Variants in NOL4 observed in about 807,000 individuals in gnomAD.
The protein encoded by NOL4 is nucleolar protein 4, also known as cancer/testis antigen 125.
In NOL4, 17 loss-of-function variants were observed where a neutral mutation model predicts 75.9. The observed-to-expected ratio is 0.22, with a 90% CI of 0.15 to 0.34. The LOEUF is 0.34. Ranked by LOEUF, NOL4 falls within the 10% of genes least tolerant of loss-of-function variation. The pLI, the probability that NOL4 is intolerant of heterozygous loss-of-function variation, is 1.00. For synonymous variants in NOL4, 292 were observed against 289.9 expected, an observed-to-expected ratio of 1.01 and a Z score of -0.07; for missense variants, 614 against 793.5, an observed-to-expected ratio of 0.77 and a Z score of 2.72.
chr18:33,922,068 G>A (rs2067074882), intron 9 of NOL4, among the ~76,000 whole-genome samples: 1 of 152,162 alleles, frequency 6.6e-6, no homozygotes, highest in African/African-American at 2.4e-5. Flanking sequence ...TTGCTACTAT[G>A]AGAGGATAAC....
intron 2 of NOL4, among the ~76,000 whole-genome samples, chr18:34,119,695 C>G (rs879568500): frequency 6.6e-6 from 1 of 152,120 alleles, no homozygotes; most frequent in Non-Finnish European, 1.5e-5. Flanking sequence ...GATCTCGGCT[C>G]ACTGCCAGCT....
chr18:33,997,578 A>G (rs1373664919), intron 6 of NOL4, among the ~76,000 whole-genome samples: 2 of 151,264 alleles, frequency 1.3e-5, no homozygotes, highest in Non-Finnish European at 3.0e-5. Context: ...AGCCACAAGC[A>G]TCACATTACC....
At chr18:33,978,911 G>C (rs1251485451) in intron 6 of NOL4, among the ~76,000 whole-genome samples, 1 of 151,906 alleles carries the variant, frequency 6.6e-6, no homozygotes, top group African/African-American at 2.4e-5. Flanking sequence ...CATGTAAATA[G>C]GGAGGTTCAA....
intron 5 of NOL4, among the ~76,000 whole-genome samples, chr18:34,092,096 T>C (rs1199615148): frequency 1.3e-5 from 2 of 151,910 alleles, no homozygotes. Flanking sequence ...GGCAAGGAGA[T>C]ACCTAAGTTA....
chr18:33,884,096 A>G (rs1350052768), intron 9 of NOL4, among the ~76,000 whole-genome samples: 1 of 152,122 alleles, frequency 6.6e-6, no homozygotes, highest in Non-Finnish European at 1.5e-5. Flanking sequence ...TGGAAGGGTA[A>G]TTTTTATGTT....
At chr18:34,093,253 A>G (rs1456637313) in intron 5 of NOL4, among the ~76,000 whole-genome samples, 2 of 152,220 alleles carry the variant, frequency 1.3e-5, no homozygotes, top group Non-Finnish European at 2.9e-5. Context: ...ATATCTGCTT[A>G]TAAATCAGTC....
chr18:34,138,231 C>T (rs1471204634), intron 1 of NOL4, among the ~76,000 whole-genome samples: 1 of 151,874 alleles, frequency 6.6e-6, no homozygotes, highest in Non-Finnish European at 1.5e-5. Context: ...AGACCCTCAT[C>T]ACTATAAAAA....
intron 5 of NOL4, among the ~76,000 whole-genome samples, chr18:34,056,185 T>C (rs562311666): frequency 1.5e-4 from 23 of 152,228 alleles, no homozygotes; most frequent in Non-Finnish European, 3.1e-4. Context: ...CACATTTCTT[T>C]GTTTCTCTGC....
intron 1 of NOL4, among the ~76,000 whole-genome samples, chr18:34,192,259 G>A (rs561873940): frequency 1.3e-5 from 2 of 152,252 alleles, no homozygotes; most frequent in South Asian, 2.1e-4. Flanking sequence ...TTCATGATTT[G>A]AGAGAATATT....
At position 33,852,271 on chromosome 18, in the gene NOL4, A is replaced by T. The variant is rs1415342573; in HGVS notation, c.*571T>A. ...AAGGTACTTACAGTAGTTTCTCAAAACAGTTTTCTTTTAGGACCTATGAAA... is the reference window on the plus strand; with the variant it reads ...AAGGTACTTACAGTAGTTTCTCAAATCAGTTTTCTTTTAGGACCTATGAAA... On this transcript the variant is annotated 3_prime_UTR_variant, in exon 11 of 11. Coordinates refer to ENST00000261592, the MANE Select transcript of NOL4 (RefSeq NM_003787.5). The T allele has an allele frequency of 1.3e-5, 2 of 152,524 alleles. No homozygotes were observed. Among genetic ancestry groups the T allele is most frequent in the Non-Finnish European group, 2.9e-5 (2 of 67,996 alleles). The allele number at this position is 152,524 out of a possible 1,614,324, so 9.4% of individuals were successfully genotyped here. A position where few individuals can be genotyped will look rare whatever the true frequency, so the allele number is the denominator to read the frequency against.
intron 4 of NOL4, among the ~76,000 whole-genome samples, chr18:34,099,314 G>A (rs1050489796): frequency 7.4e-6 from 1 of 135,972 alleles, no homozygotes; most frequent in Non-Finnish European, 1.5e-5. Context: ...AGTGAGCCGA[G>A]ATCGCGCCAC....
chr18:33,934,379 C>A (rs2145452586), intron 9 of NOL4, among the ~76,000 whole-genome samples: 1 of 152,254 alleles, frequency 6.6e-6, no homozygotes, highest in Admixed American at 6.5e-5. Context: ...AGTAGAGCAG[C>A]CTGTCCTTTG....
chr18:34,074,422 A>G (rs2077659873), intron 5 of NOL4, among the ~76,000 whole-genome samples: 1 of 151,900 alleles, frequency 6.6e-6, no homozygotes, highest in African/African-American at 2.4e-5. Context: ...TGTGTAATAA[A>G]CACAAACAAA....
intron 5 of NOL4, among the ~76,000 whole-genome samples, chr18:34,054,976 AT>A (rs2076774291): frequency 6.7e-6 from 1 of 149,094 alleles, no homozygotes; most frequent in Non-Finnish European, 1.5e-5. Flanking sequence ...TATTATATAT[AT>A]TTTATATATA....
At chr18:33,967,680 G>T (rs2070714903) in intron 6 of NOL4, among the ~76,000 whole-genome samples, 1 of 152,164 alleles carries the variant, frequency 6.6e-6, no homozygotes, top group South Asian at 2.1e-4. Flanking sequence ...CTCTAAAGAA[G>T]ACTTACAAGT....
At chr18:34,051,421 T>C (rs1167854501) in intron 5 of NOL4, among the ~76,000 whole-genome samples, 3 of 152,144 alleles carry the variant, frequency 2.0e-5, no homozygotes, top group Non-Finnish European at 4.4e-5. Context: ...TAAATATTTC[T>C]TGTTCTTTTA....
At chr18:33,860,776 C>G (rs1373772876) in intron 10 of NOL4, among the ~76,000 whole-genome samples, 3 of 151,862 alleles carry the variant, frequency 2.0e-5, no homozygotes, top group African/African-American at 7.3e-5. Context: ...GGGTTTGTCA[C>G]AGATAGCTCT....
chr18:34,163,177 G>A (rs1053277454), intron 1 of NOL4, among the ~76,000 whole-genome samples: 1 of 152,118 alleles, frequency 6.6e-6, no homozygotes, highest in Non-Finnish European at 1.5e-5. Context: ...TTGAAAACTG[G>A]CACAAGACAG....
At chr18:34,003,249 A>G (rs79376017) in intron 6 of NOL4, among the ~76,000 whole-genome samples, 2,108 of 152,094 alleles carry the variant, frequency 0.014, 42 homozygotes, top group African/African-American at 0.046. Flanking sequence ...CCTAGTGAGT[A>G]TCTTTATTAT....
Sources: gnomAD v4.1 joint callset for allele counts (sites outside exome capture counted in the v4.1 genomes callset) on GRCh38, gnomAD v4.1.1 for gene constraint, MANE v1.5 for transcripts, NCBI Gene and HGNC (gene_info 2026-07-23, HGNC 2026-07-21) for gene names.